TMPRSS11D: variants seen among roughly 807,000 people sequenced by gnomAD.
TMPRSS11D encodes the protein transmembrane serine protease 11D.
TMPRSS11D carries 32 observed loss-of-function variants against 44.4 expected under a neutral mutation model. That is an observed-to-expected ratio of 0.72 (90% confidence interval 0.54 to 0.97). The LOEUF is 0.97. TMPRSS11D is among the 50% of genes least tolerant of loss of function. The pLI is 0.00. For synonymous variants in TMPRSS11D, 179 were observed against 177.9 expected (o/e 1.01, Z -0.05); for missense variants, 446 against 502.6 (o/e 0.89, Z 1.08).
chr4:67,830,761 A>G (rs1184531482), intron 7 of TMPRSS11D, among the ~76,000 whole-genome samples: 2 of 151,888 alleles, frequency 1.3e-5, no homozygotes, highest in East Asian at 3.9e-4. Flanking sequence ...CCAGCAAGTG[A>G]ATTAGAGCAT....
chr4:67,872,071 T>C (rs1719073490), intron 1 of TMPRSS11D, among the ~76,000 whole-genome samples: 1 of 152,164 alleles, frequency 6.6e-6, no homozygotes, highest in Non-Finnish European at 1.5e-5. Context: ...ACATGTACTG[T>C]AGAGGGCACT....
At chr4:67,881,617 T>C (rs572537771) in intron 1 of TMPRSS11D, among the ~76,000 whole-genome samples, 1 of 152,174 alleles carries the variant, frequency 6.6e-6, no homozygotes, top group African/African-American at 2.4e-5. Flanking sequence ...TGAGTTCCTA[T>C]AGCAGTTCAA....
rs571611657 is a variant in TMPRSS11D, at chr4:67,830,264, A to G, written c.693-2744T>C. 1.1e-4 allele frequency among the ~76,000 whole-genome samples: 16 copies of G among 152,184 alleles called. No homozygotes were observed. In the South Asian group the frequency reaches 3.3e-3, roughly 32 times the overall value. ...TACCTTTAAGACATGTATATTTCGA[A>G]TATATTAGTATGAGGCATATGGGTG... On this transcript the variant is annotated intron_variant, in intron 7 of 9. Coordinates refer to ENST00000283916, the MANE Select transcript of TMPRSS11D (RefSeq NM_004262.3).
intron 2 of TMPRSS11D, among the ~76,000 whole-genome samples, chr4:67,858,338 G>A (rs1718706831): frequency 6.6e-6 from 1 of 152,106 alleles, no homozygotes; most frequent in Non-Finnish European, 1.5e-5. Flanking sequence ...TACTCTTTAA[G>A]CATGACAATG....
At chr4:67,830,925 A>G (rs1717928703) in intron 7 of TMPRSS11D, among the ~76,000 whole-genome samples, 1 of 152,146 alleles carries the variant, frequency 6.6e-6, no homozygotes, top group South Asian at 2.1e-4. Flanking sequence ...TATTAATGAG[A>G]CAAATGTATT....
chr4:67,822,127 G>T lies in TMPRSS11D; in HGVS notation c.*210C>A. 1 of 551,640 alleles carries T rather than the reference G, an allele frequency of 1.8e-6. No homozygotes were observed. The highest frequency in any genetic ancestry group is 3.2e-6 in the Non-Finnish European group (1 of 315,316). The allele number at this position is 551,640 out of a possible 1,614,324, so 34.2% of individuals were successfully genotyped here. ...GTGTTTCTTCTGTTACACAGCCACA[G>T]TACTATGCAACATTCATATAGTTCT... On this transcript the variant is annotated 3_prime_UTR_variant, in exon 10 of 10. Transcript: ENST00000283916.
chr4:67,839,975 T>TC (rs60394863), intron 4 of TMPRSS11D, among the ~76,000 whole-genome samples: 19 of 113,314 alleles, frequency 1.7e-4, no homozygotes, highest in African/African-American at 6.6e-4. Flanking sequence ...ATGCTATCCC[T>TC]CCCCCCTCCC....
intron 7 of TMPRSS11D, 117 bp from the exon 8 acceptor site, chr4:67,827,637 T>C (rs558061297): frequency 1.7e-6 from 2 of 1,153,238 alleles, no homozygotes; most frequent in South Asian, 3.8e-5. Flanking sequence ...CACATCTCTT[T>C]GCTATATTTT....
intron 7 of TMPRSS11D, among the ~76,000 whole-genome samples, chr4:67,828,361 C>A (rs182986073): frequency 1.3e-5 from 2 of 152,144 alleles, no homozygotes. Context: ...AGCATCTCCC[C>A]CAATCATCAG....
chr4:67,882,057 T>A (rs1457741639), intron 1 of TMPRSS11D, among the ~76,000 whole-genome samples: 6 of 152,128 alleles, frequency 3.9e-5, no homozygotes, highest in Non-Finnish European at 8.8e-5. Context: ...CTGTTCAGGT[T>A]CCTGGGCCCT....
chr4:67,835,904 G>A (rs563274074), intron 5 of TMPRSS11D, among the ~76,000 whole-genome samples: 14 of 152,068 alleles, frequency 9.2e-5, no homozygotes, highest in African/African-American at 1.2e-4. Flanking sequence ...GCCTGGAAAG[G>A]AAAATATGTC....
intron 3 of TMPRSS11D, among the ~76,000 whole-genome samples, chr4:67,847,173 G>A (rs1208242579): frequency 6.6e-6 from 1 of 152,124 alleles, no homozygotes; most frequent in East Asian, 1.9e-4. Context: ...CAAAGTGCTG[G>A]GATTACAGGC....
intron 4 of TMPRSS11D, among the ~76,000 whole-genome samples, chr4:67,840,156 G>A (rs888381923): frequency 2.0e-5 from 3 of 152,002 alleles, no homozygotes; most frequent in Non-Finnish European, 4.4e-5. Flanking sequence ...CATGAGGTGT[G>A]TATTAGTTTT....
At chr4:67,849,017 A>G (rs1161043559) in intron 3 of TMPRSS11D, among the ~76,000 whole-genome samples, 2 of 152,164 alleles carry the variant, frequency 1.3e-5, no homozygotes, top group Non-Finnish European at 2.9e-5. Flanking sequence ...TTGGTACCCT[A>G]GGGTAGAGGC....
intron 7 of TMPRSS11D, 76 bp from the exon 8 acceptor site, chr4:67,827,596 T>C (rs1717834692): frequency 1.4e-6 from 2 of 1,437,384 alleles, no homozygotes; most frequent in Non-Finnish European, 1.9e-6. Context: ...ATCTTAGCCA[T>C]CCTGTACCAC....
At chr4:67,881,266 G>T (rs1420690132) in intron 1 of TMPRSS11D, among the ~76,000 whole-genome samples, 1 of 152,180 alleles carries the variant, frequency 6.6e-6, no homozygotes, top group Non-Finnish European at 1.5e-5. Context: ...AGTGTGTTAA[G>T]TAAGCAATGA....
intron 3 of TMPRSS11D, among the ~76,000 whole-genome samples, chr4:67,847,493 A>G (rs1413510999): frequency 2.6e-5 from 4 of 152,172 alleles, no homozygotes; most frequent in Non-Finnish European, 5.9e-5. Flanking sequence ...GTTTTCTTTT[A>G]GAACTAGATA....
intron 1 of TMPRSS11D, among the ~76,000 whole-genome samples, chr4:67,864,538 A>G (rs1373373578): frequency 6.6e-6 from 1 of 151,624 alleles, no homozygotes; most frequent in Admixed American, 6.6e-5. Flanking sequence ...CCACCAAACC[A>G]TGGGGCTTAT....
chr4:67,867,761 A>G (rs924390736), intron 1 of TMPRSS11D, among the ~76,000 whole-genome samples: 30 of 152,168 alleles, frequency 2.0e-4, no homozygotes, highest in African/African-American at 7.0e-4. Context: ...GCAAATTAAA[A>G]CCACGATGAG....
Sources: allele counts gnomAD v4.1 joint callset (sites outside exome capture counted in the v4.1 genomes callset), GRCh38; gene constraint gnomAD v4.1.1; transcripts MANE v1.5; gene names NCBI Gene and HGNC (gene_info 2026-07-23, HGNC 2026-07-21).